The following MYO15A variants were observed in gnomAD, a reference collection of about 807,000 sequenced individuals.
MYO15A encodes the protein unconventional myosin-XV.
In MYO15A, 308 loss-of-function variants were observed where a neutral mutation model predicts 394.6. The ratio of observed to expected loss-of-function variants is 0.78; its 90% CI spans 0.71 to 0.86. The LOEUF (loss-of-function observed/expected upper bound fraction) is 0.86, where lower values mean the gene tolerates loss of function less well. Among genes scored for constraint, MYO15A ranks in the 40% least tolerant of loss-of-function variants. The probability of loss-of-function intolerance (pLI) is 0.00; values close to 1 mark genes in which losing one functional copy is unlikely to be tolerated. For synonymous variants in MYO15A, 1,957 were observed against 2,003.8 expected (o/e 0.98, Z 0.62); for missense variants, 4,606 against 4,799.1 (o/e 0.96, Z 1.19).
In MYO15A at chr17:18,119,325, G is replaced by A. The variant is rs748078212; in HGVS notation, c.525G>A (p.Pro175=). ...TGGGCTCCCGCAAACTCCCCTTCCCGTCGGGTGCCGAGATCCTGCGGCCTG... is the reference window on the plus strand; with the variant it reads ...TGGGCTCCCGCAAACTCCCCTTCCCATCGGGTGCCGAGATCCTGCGGCCTG... The part of the protein sequence containing the change: ...SRMGSRKLPF[P]SGAEILRPGG... Residue 175 remains proline, a synonymous_variant, in exon 2 of 66, where the codon CCG becomes CCA. Transcript: ENST00000647165. 2 of 1,609,868 alleles carry A rather than the reference G, an allele frequency of 1.2e-6. No homozygotes were observed. The highest frequency in any genetic ancestry group is 1.7e-6 in the Non-Finnish European group (2 of 1,179,416).
chr17:18,121,538 C>T lies in MYO15A; in HGVS notation c.2738C>T (p.Pro913Leu). ...GAACACCGGGAGAGCCCGCGAGAAC[C>T]CGAGGACTCAGAGACGCCCTGGACT... ...PLEHRESPRE[P>L]EDSETPWTVP... The change falls in exon 2 of 66, where the codon CCC becomes CTC. Residue 913 changes from proline to leucine, a missense_variant. Transcript: ENST00000647165. The surrounding 1 kb of genome is among the most constrained non-coding windows in gnomAD (Gnocchi z 5.3). 1 of 1,574,710 alleles carries T rather than the reference C, an allele frequency of 6.4e-7. No individual in the cohort carries two copies. The highest frequency in any genetic ancestry group is 1.2e-5 in the South Asian group (1 of 85,606).
At position 18,120,578 on chromosome 17, in the gene MYO15A, A is replaced by C. The variant is rs1273059244; in HGVS notation, c.1778A>C (p.Gln593Pro). Residue 593 changes from glutamine to proline, a missense_variant, in exon 2 of 66, where the codon CAG becomes CCG. Gln to Pro is a moderately conservative substitution (Grantham distance 76, BLOSUM62 -1). This residue lies in a region of MYO15A where 1,830 missense variants were observed against 1,689.7 expected (regional missense o/e 1.08). Transcript: ENST00000647165. ...KKPIARLRGS[Q>P]KARAGGPAVR... ...CCCATCGCGCGGCTCAGGGGCAGCC[A>C]GAAGGCCCGGGCGGGCGGCCCTGCT... is the stretch of plus-strand genomic sequence containing the variant. The C allele has an allele frequency of 5.6e-6, 9 of 1,599,660 alleles. No homozygotes were observed. Among genetic ancestry groups the C allele is most frequent in the Non-Finnish European group, 7.7e-6 (9 of 1,175,142 alleles).
chr17:18,178,727 G>A (rs1374911810), intron 65 of MYO15A, 42 bp from the exon 66 acceptor site: 6 of 1,579,548 alleles, frequency 3.8e-6, no homozygotes, highest in Admixed American at 1.7e-5. Context: ...GTAAGAGCTG[G>A]GGAAGTGTTG....
In MYO15A at chr17:18,151,427, A is replaced by G; in HGVS notation, c.7687A>G (p.Thr2563Ala). 4 of 1,614,096 alleles carry G rather than the reference A, an allele frequency of 2.5e-6. No homozygotes were observed. Among genetic ancestry groups the G allele is most frequent in the Non-Finnish European group, 3.4e-6 (4 of 1,180,026 alleles). ...CTCCCCAGAGCTGGTCCGGTACTCT[A>G]CGCTCAACTCTGAGCACTTCCCACA... is the stretch of plus-strand genomic sequence containing the variant. Reference protein sequence around the residue: ...SPSPELVRYSTLNSEHFPQPT... With the variant: ...SPSPELVRYSALNSEHFPQPT... Residue 2563 changes from threonine (T) to alanine (A), a missense_variant, in exon 40 of 66, where the codon ACG becomes GCG. Coordinates refer to ENST00000647165, the MANE Select transcript of MYO15A (RefSeq NM_016239.4).
Position 18,121,751 on chromosome 17 carries a change from A to G in MYO15A, c.2951A>G (p.Asp984Gly). The change falls in exon 2 of 66, where the codon GAT (aspartate) becomes GGT (glycine). Residue 984 changes from aspartate to glycine, a missense_variant. By Grantham distance (94) the Asp-to-Gly change is moderately conservative. Transcript: ENST00000647165. The surrounding 1 kb of genome is among the most constrained non-coding windows in gnomAD (Gnocchi z 5.3). ...CTCCAGCCTGAGGATCCAGCTGCTG[A>G]TATGACCAGGGTCTTCCTGGGCAGA... ...PTLQPEDPAADMTRVFLGRHH... is the reference protein window; with the variant it reads ...PTLQPEDPAAGMTRVFLGRHH... 6.2e-7 allele frequency: 1 copy of G among 1,604,144 alleles called. No homozygotes were observed. The highest frequency in any genetic ancestry group is 1.1e-5 in the South Asian group (1 of 90,522).
rs2046773824 is a variant in MYO15A, at chr17:18,161,367, A to G, written c.9437A>G (p.His3146Arg). The G allele has an allele frequency of 1.2e-6, 2 of 1,614,002 alleles. No individual in the cohort carries two copies. Among genetic ancestry groups the G allele is most frequent in the East Asian group, 4.5e-5 (2 of 44,856 alleles). ...WRLLYIVTAYHSCSEVLHPHL... is the reference protein window; with the variant it reads ...WRLLYIVTAYRSCSEVLHPHL... ...CTGCTGTATATCGTGACCGCCTACC[A>G]CAGCTGCTCTGAGGTCCTCCACCCA... Residue 3146 changes from histidine (H) to arginine (R), a missense_variant, in exon 57 of 66, where the codon CAC becomes CGC. Physicochemically the swap from His to Arg is conservative, Grantham distance 29. This residue lies in a region of MYO15A where 2,776 missense variants were observed against 3,109.3 expected (regional missense o/e 0.89). Transcript: ENST00000647165.
rs773677134 is a variant in MYO15A at position 18,121,476 on chromosome 17, C to T, written c.2676C>T (p.His892=). The part of the protein sequence containing the change: ...AVKPQVRLPF[H]RPPRAGAWRA... ...AGCCGCAAGTGCGCCTGCCCTTCCACCGACCGCCCAGGGCCGGGGCCTGGC... is the reference window on the plus strand; with the variant it reads ...AGCCGCAAGTGCGCCTGCCCTTCCATCGACCGCCCAGGGCCGGGGCCTGGC... Residue 892 remains histidine, a synonymous_variant, in exon 2 of 66, where the codon CAC becomes CAT. Coordinates refer to ENST00000647165, the MANE Select transcript of MYO15A (RefSeq NM_016239.4). This position sits in a 1 kb window ranked among gnomAD's most constrained non-coding sequence, Gnocchi z 5.3. 1 of 1,550,452 alleles carries T rather than the reference C, an allele frequency of 6.4e-7. No individual in the cohort carries two copies. The highest frequency in any genetic ancestry group is 8.7e-7 in the Non-Finnish European group (1 of 1,147,400).
At chr17:18,111,184 C>T (rs2045715402) in intron 1 of MYO15A, among the ~76,000 whole-genome samples, 1 of 152,078 alleles carries the variant, frequency 6.6e-6, no homozygotes, top group African/African-American at 2.4e-5. Context: ...TACAAAAAAA[C>T]ATTAGCCAGG....
intron 65 of MYO15A, among the ~76,000 whole-genome samples, chr17:18,176,320 G>T (rs979769942): frequency 3.3e-5 from 5 of 152,068 alleles, no homozygotes; most frequent in African/African-American, 1.2e-4. Context: ...CAAGGCAGGA[G>T]GCAAAGGGGA....
intron 7 of MYO15A, among the ~76,000 whole-genome samples, chr17:18,129,888 TTTTG>T (rs1016223038): frequency 6.6e-6 from 1 of 152,072 alleles, no homozygotes; most frequent in Admixed American, 6.6e-5. Flanking sequence ...TTGTTTTTGT[TTTTG>T]TTTTTTTTTA....
Position 18,131,526 on chromosome 17 carries a change from T to C in MYO15A, c.4201T>C (p.Phe1401Leu). The change falls in exon 10 of 66, where the codon TTT (phenylalanine) becomes CTT (leucine). Residue 1401 changes from phenylalanine (F) to leucine (L), a missense_variant. Phe to Leu is a conservative substitution (Grantham distance 22). Transcript: ENST00000647165. Reference protein sequence around the residue: ...QYLLEKSRIVFQAKNERNYHI... With the variant: ...QYLLEKSRIVLQAKNERNYHI... ...CCTGCTTGAGAAATCCAGGATCGTG[T>C]TTCAGGTGGGCCACCCCCTCCCAGG... 1.2e-6 allele frequency: 2 copies of C among 1,613,780 alleles called. No individual in the cohort carries two copies. Among genetic ancestry groups the C allele is most frequent in the South Asian group, 2.2e-5 (2 of 91,060 alleles).
At chr17:18,145,677 T>C (rs916770043) in intron 29 of MYO15A, among the ~76,000 whole-genome samples, 195 bp from the exon 30 acceptor site, 1 of 152,156 alleles carries the variant, frequency 6.6e-6, no homozygotes, top group African/African-American at 2.4e-5. Flanking sequence ...ATCCCACCAC[T>C]GCACTCCAGT....
intron 1 of MYO15A, among the ~76,000 whole-genome samples, chr17:18,114,281 T>TTG (rs2045759279): frequency 7.6e-6 from 1 of 131,836 alleles, no homozygotes; most frequent in Non-Finnish European, 1.6e-5. Context: ...ACGGAGTTTT[T>TTG]GCTCTTGTTG....
At chr17:18,118,322 C>T (rs1169834370) in intron 1 of MYO15A, among the ~76,000 whole-genome samples, 1 of 152,130 alleles carries the variant, frequency 6.6e-6, no homozygotes, top group East Asian at 1.9e-4. Flanking sequence ...CACTTCTGGC[C>T]CAGTGCAGGT....
intron 22 of MYO15A, among the ~76,000 whole-genome samples, chr17:18,141,372 GCGTTATTAGAATGGTTTTA>G (rs2046377110): frequency 6.6e-6 from 1 of 152,180 alleles, no homozygotes; most frequent in Admixed American, 6.5e-5. Context: ...TCAACGCTCC[GCGTTATTAGAATGGTTTTA>G]GTAGTTATAA....
chr17:18,165,089 C>T (rs965857867), intron 60 of MYO15A: 3 of 133,306 alleles, frequency 2.3e-5, no homozygotes, highest in Middle Eastern at 4.1e-3. Context: ...GAAACTCCAT[C>T]TCAAAAAAAA....
At chr17:18,135,023 G>A (rs1027748522) in intron 12 of MYO15A, among the ~76,000 whole-genome samples, 6 of 152,034 alleles carry the variant, frequency 3.9e-5, no homozygotes, top group Admixed American at 1.3e-4. Flanking sequence ...GGGACTACAG[G>A]TCTAGGTCCC....
In MYO15A at chr17:18,166,441, A is replaced by G. The variant is rs2142412949; in HGVS notation, c.9868A>G (p.Met3290Val). 6.2e-7 allele frequency: 1 copy of G among 1,614,036 alleles called. No individual in the cohort carries two copies. The highest frequency in any genetic ancestry group is 8.5e-7 in the Non-Finnish European group (1 of 1,180,014). The change falls in exon 61 of 66, where the codon ATG becomes GTG. Residue 3290 changes from methionine to valine, a missense_variant. By Grantham distance (21) the Met-to-Val change is conservative. Transcript: ENST00000647165. ...GATGGAGCAGGTGGACGGCGGCTAC[A>G]TGCTCTGGTTCCGGCGTGTGCTCTG... ...SEMEQVDGGY[M>V]LWFRRVLWDQ...
At position 18,178,948 on chromosome 17, in the gene MYO15A, A is replaced by T; in HGVS notation, c.*78A>T. The T allele has an allele frequency of 7.1e-7, 1 of 1,418,440 alleles. No individual in the cohort carries two copies. Among genetic ancestry groups the T allele is most frequent in the Non-Finnish European group, 9.8e-7 (1 of 1,023,638 alleles). The allele number at this position is 1,418,440 out of a possible 1,614,324, so 87.9% of individuals were successfully genotyped here. On this transcript the variant is annotated 3_prime_UTR_variant, in exon 66 of 66. Transcript: ENST00000647165. Reference sequence around the variant, plus strand: ...CAGAGAAATCACTGAACCTCTCAGGATCAATGACCCCTGTAAGGGGCCAGA... The same window carrying T: ...CAGAGAAATCACTGAACCTCTCAGGTTCAATGACCCCTGTAAGGGGCCAGA...
Sources: gnomAD v4.1 joint callset for allele counts (sites outside exome capture counted in the v4.1 genomes callset) on GRCh38, gnomAD v4.1.1 for gene constraint, gnomAD v4.1.1 regional missense constraint, Gnocchi (gnomAD v3.1) non-coding constraint, MANE v1.5 for transcripts, NCBI Gene and HGNC (gene_info 2026-07-23, HGNC 2026-07-21) for gene names.